The following KIF13A variants were observed in gnomAD, a reference collection of about 807,000 sequenced individuals.
KIF13A encodes the protein kinesin family member 13A, also known as kinesin-like protein KIF13A.
Under a neutral mutation model 212.2 loss-of-function variants are expected in KIF13A, and 79 were observed. The ratio of observed to expected loss-of-function variants is 0.37; its 90% CI spans 0.31 to 0.45. KIF13A has a LOEUF of 0.45. Ranked by LOEUF, KIF13A falls within the 20% of genes least tolerant of loss-of-function variation. The pLI, the probability that KIF13A is intolerant of heterozygous loss-of-function variation, is 1.00. For synonymous variants in KIF13A, 789 were observed against 808.6 expected (o/e 0.98, Z 0.41); for missense variants, 1,901 against 2,209.0 (o/e 0.86, Z 2.79).
At chr6:17,852,160 C>A in intron 6 of KIF13A, 118 bp from the exon 7 acceptor site, 1 of 456,404 alleles carries the variant, frequency 2.2e-6, no homozygotes, top group Non-Finnish European at 3.9e-6. Context: ...ATGACTCCTC[C>A]CCCCAACAAA....
At chr6:17,858,731 C>T (rs1181918299) in intron 4 of KIF13A, among the ~76,000 whole-genome samples, 2 of 152,188 alleles carry the variant, frequency 1.3e-5, no homozygotes, top group African/African-American at 4.8e-5. Context: ...AAAAGCAATA[C>T]ATTCTTGGCA....
downstream of KIF13A, among the ~76,000 whole-genome samples, chr6:17,761,318 G>C (rs965735123): frequency 2.0e-5 from 3 of 152,172 alleles, no homozygotes; most frequent in East Asian, 1.9e-4. Context: ...GGGTTCATGC[G>C]ATCTTCCTGC....
At chr6:17,815,543 G>C (rs1763850431) in intron 17 of KIF13A, 1 of 379,438 alleles carries the variant, frequency 2.6e-6, no homozygotes, top group Non-Finnish European at 5.5e-6. Context: ...GGCCCTGTTT[G>C]GGAGTAACAG....
rs2150644592 is a variant in KIF13A at position 17,982,587 on chromosome 6, C to T, written c.146+4467G>A. ...GAACAGGAAGCTAAAAACTTTCATGCTCTTCTACCGAGAGCCCATATTTAG... is the reference window on the plus strand; with the variant it reads ...GAACAGGAAGCTAAAAACTTTCATGTTCTTCTACCGAGAGCCCATATTTAG... On this transcript the variant is annotated intron_variant, in intron 2 of 38. Coordinates refer to ENST00000259711, the MANE Select transcript of KIF13A (RefSeq NM_022113.6). This position sits in a 1 kb window ranked among gnomAD's most constrained non-coding sequence, Gnocchi z 5.1. Among the ~76,000 whole-genome samples, 1 of 152,288 alleles carries T rather than the reference C, an allele frequency of 6.6e-6. No homozygotes were observed. Among genetic ancestry groups the T allele is most frequent in the South Asian group, 2.1e-4 (1 of 4,830 alleles).
intron 2 of KIF13A, among the ~76,000 whole-genome samples, chr6:17,972,737 G>A (rs1034867084): frequency 1.3e-5 from 2 of 150,926 alleles, no homozygotes; most frequent in Non-Finnish European, 2.9e-5. Context: ...TCTAGGGAGT[G>A]TCTCCCCAAG....
intron 26 of KIF13A, among the ~76,000 whole-genome samples, chr6:17,788,395 C>T (rs923084850): frequency 2.6e-5 from 4 of 152,158 alleles, no homozygotes; most frequent in Non-Finnish European, 4.4e-5. Flanking sequence ...CCAACCACCA[C>T]GAGGCTAAGC....
chr6:17,808,347 T>C (rs1763155573), intron 18 of KIF13A, among the ~76,000 whole-genome samples: 3 of 151,882 alleles, frequency 2.0e-5, no homozygotes, highest in African/African-American at 7.3e-5. Flanking sequence ...GATCATGCCA[T>C]TGCACTCCAG....
Position 17,773,424 on chromosome 6 carries a change from A to T in KIF13A, c.4324+54T>A. 1 of 1,031,416 alleles carries T rather than the reference A, an allele frequency of 9.7e-7. No homozygotes were observed. The allele number at this position is 1,031,416 out of a possible 1,614,324, so 63.9% of individuals were successfully genotyped here. A position where few individuals can be genotyped will look rare whatever the true frequency, so the allele number is the denominator to read the frequency against. ...CCATTAATGAAAGACATTTTTTCAT[A>T]CTTTTTCTAAGTAATTACAAAGAAA... is the stretch of plus-strand genomic sequence containing the variant. On this transcript the variant is annotated intron_variant, in intron 36 of 38. Transcript: ENST00000259711. This position sits in a 1 kb window ranked among gnomAD's most constrained non-coding sequence, Gnocchi z 4.2.
chr6:17,791,892 ACT>A (rs1487656748), intron 25 of KIF13A, among the ~76,000 whole-genome samples: 2 of 100,950 alleles, frequency 2.0e-5, no homozygotes, highest in African/African-American at 4.0e-5. Context: ...AGAGAGAGAG[ACT>A]CTGTCTCAAA....
Position 17,900,092 on chromosome 6 carries a change from C to T in KIF13A, c.147-1912G>A, listed in dbSNP as rs1031797538. Among the ~76,000 whole-genome samples, 1 of 152,168 alleles carries T rather than the reference C, an allele frequency of 6.6e-6. No homozygotes were observed. Among genetic ancestry groups the T allele is most frequent in the Non-Finnish European group, 1.5e-5 (1 of 68,040 alleles). On this transcript the variant is annotated intron_variant, in intron 2 of 38. Transcript: ENST00000259711. This position sits in a 1 kb window ranked among gnomAD's most constrained non-coding sequence, Gnocchi z 4.6. ...AAAAGTCACTTGGGTTACAATAAGG[C>T]CATTATATGAAACAGCACAGACCAA... is the stretch of plus-strand genomic sequence containing the variant.
Position 17,968,843 on chromosome 6 carries a change from C to CAG in KIF13A, c.146+18209_146+18210dup, listed in dbSNP as rs1779552339. ...AATTTAATGCAGAAATTAGAGGTCT[C>CAG]AGAGGGCCCAGACTAGAAGCACTAG... On this transcript the variant is annotated intron_variant, in intron 2 of 38. Coordinates refer to ENST00000259711, the MANE Select transcript of KIF13A (RefSeq NM_022113.6). The surrounding 1 kb of genome is among the most constrained non-coding windows in gnomAD (Gnocchi z 4.7). Among the ~76,000 whole-genome samples the CAG allele has an allele frequency of 1.3e-5, 2 of 152,318 alleles. No individual in the cohort carries two copies. Among genetic ancestry groups the CAG allele is most frequent in the South Asian group, 4.1e-4 (2 of 4,828 alleles).
chr6:17,790,709 C>T (rs1039025812), intron 25 of KIF13A, among the ~76,000 whole-genome samples: 1 of 152,164 alleles, frequency 6.6e-6, no homozygotes, highest in African/African-American at 2.4e-5. Flanking sequence ...GGTCTCCAAC[C>T]TCAGCTGTCT....
intron 20 of KIF13A, among the ~76,000 whole-genome samples, chr6:17,802,241 A>G (rs753276216): frequency 5.9e-5 from 9 of 152,234 alleles, no homozygotes; most frequent in Non-Finnish European, 1.0e-4. Flanking sequence ...AGGAAGTAGT[A>G]AGATGGGGGA....
Position 17,898,097 on chromosome 6 carries a change from GT to G in KIF13A, c.159+70del. On this transcript the variant is annotated intron_variant, in intron 3 of 38. Transcript: ENST00000259711. This position sits in a 1 kb window ranked among gnomAD's most constrained non-coding sequence, Gnocchi z 5.2. ...TCAATGAGACAGATGTTCTACATGG[GT>G]TACAGTGATAAATCCTGGATTTTTG... The G allele has an allele frequency of 7.0e-7, 1 of 1,424,418 alleles. No individual in the cohort carries two copies. Among genetic ancestry groups the G allele is most frequent in the Non-Finnish European group, 9.9e-7 (1 of 1,014,452 alleles). The allele number at this position is 1,424,418 out of a possible 1,614,324, so 88.2% of individuals were successfully genotyped here. A position where few individuals can be genotyped will look rare whatever the true frequency, so the allele number is the denominator to read the frequency against.
chr6:17,983,530 T>C lies in KIF13A; in HGVS notation c.146+3524A>G, dbSNP rs549944918. On this transcript the variant is annotated intron_variant, in intron 2 of 38. Transcript: ENST00000259711. ...TTTTTTGAGATGCAGTCTCACTCCG[T>C]TGCCCAGGCGAGAGTGCAGTAGCAC... 1.3e-4 allele frequency among the ~76,000 whole-genome samples: 19 copies of C among 145,794 alleles called. 1 individual carries two copies. The South Asian group carries it at 3.9e-3, about 30-fold the overall frequency.
intron 3 of KIF13A, among the ~76,000 whole-genome samples, chr6:17,896,107 A>T (rs1425735541): frequency 6.6e-6 from 1 of 152,120 alleles, no homozygotes; most frequent in Non-Finnish European, 1.5e-5. Context: ...CTATAGGAAA[A>T]GTTGGCCCTC....
intron 18 of KIF13A, among the ~76,000 whole-genome samples, chr6:17,807,766 G>GACATCAT (rs1763090040): frequency 6.8e-6 from 1 of 147,532 alleles, no homozygotes; most frequent in Non-Finnish European, 1.5e-5. Context: ...GGCTCAGGTG[G>GACATCAT]ACATCATGGT....
rs576618818 is a variant in KIF13A at position 17,942,227 on chromosome 6, A to C, written c.147-44047T>G. 9.3e-4 allele frequency among the ~76,000 whole-genome samples: 142 copies of C among 151,970 alleles called. 2 individuals are homozygous for C. The highest frequency in any genetic ancestry group is 3.3e-3 in the African/African-American group (135 of 41,454). On this transcript the variant is annotated intron_variant, in intron 2 of 38. Transcript: ENST00000259711. ...TGAGGTAGGAGGATTACTTGAGCCCAGGAAGTCCAGATTGCAGTGAACCAT... is the reference window on the plus strand; with the variant it reads ...TGAGGTAGGAGGATTACTTGAGCCCCGGAAGTCCAGATTGCAGTGAACCAT...
Position 17,912,258 on chromosome 6 carries a change from T to TA in KIF13A, c.147-14079dup, listed in dbSNP as rs956505240. Among the ~76,000 whole-genome samples, 8 of 149,728 alleles carry TA rather than the reference T, an allele frequency of 5.3e-5. No homozygotes were observed. Among genetic ancestry groups the TA allele is most frequent in the East Asian group, 1.9e-4 (1 of 5,134 alleles). The stretch of plus-strand genomic sequence containing the variant: ...CGACATACCCAGAAAAATTAGAAGT[T>TA]AAAAAAAAAATACAAGCTTTCTTTT... On this transcript the variant is annotated intron_variant, in intron 2 of 38. Transcript: ENST00000259711. The surrounding 1 kb of genome is among the most constrained non-coding windows in gnomAD (Gnocchi z 4.2).
Sources: allele counts gnomAD v4.1 joint callset (sites outside exome capture counted in the v4.1 genomes callset), GRCh38; gene constraint gnomAD v4.1.1; non-coding constraint Gnocchi (gnomAD v3.1); transcripts MANE v1.5; gene names NCBI Gene and HGNC (gene_info 2026-07-23, HGNC 2026-07-21).